Variants in IGFBP7 observed in about 807,000 individuals in gnomAD.
The protein encoded by IGFBP7 is insulin-like growth factor-binding protein 7.
IGFBP7 carries 31 observed loss-of-function variants against 29.4 expected under a neutral mutation model. The observed-to-expected ratio is 1.05, with a 90% CI of 0.79 to 1.42. The LOEUF (loss-of-function observed/expected upper bound fraction) is 1.42, where lower values mean the gene tolerates loss of function less well. IGFBP7 is among the 40% of genes most tolerant of loss of function. The pLI, the probability that IGFBP7 is intolerant of heterozygous loss-of-function variation, is 0.00. For synonymous variants in IGFBP7, 172 were observed against 174.9 expected (o/e 0.98, Z 0.13); for missense variants, 393 against 395.5 (o/e 0.99, Z 0.05).
At chr4:57,100,073 T>TTC (rs574657281) in intron 1 of IGFBP7, among the ~76,000 whole-genome samples, 1,508 of 136,590 alleles carry the variant, frequency 0.011, 12 homozygotes, top group Non-Finnish European at 0.018. Flanking sequence ...TTTTCTTTCT[T>TTC]TTTTTTTTTT....
chr4:57,045,062 G>A (rs780970041), intron 1 of IGFBP7, among the ~76,000 whole-genome samples: 3 of 152,158 alleles, frequency 2.0e-5, no homozygotes, highest in Non-Finnish European at 2.9e-5. Flanking sequence ...GACAGCCATC[G>A]TCAGGGGATT....
At chr4:57,085,074 C>T (rs7686927) in intron 1 of IGFBP7, among the ~76,000 whole-genome samples, 16,939 of 152,032 alleles carry the variant, frequency 0.11, 1,429 homozygotes, top group East Asian at 0.31. Flanking sequence ...CAGATGTGAG[C>T]CACTGCACCT....
chr4:57,072,409 T>C (rs1336114484), intron 1 of IGFBP7, among the ~76,000 whole-genome samples: 2 of 152,162 alleles, frequency 1.3e-5, no homozygotes, highest in Non-Finnish European at 2.9e-5. Flanking sequence ...GGGGTGCCCC[T>C]GTGGTCCCAG....
At chr4:57,080,912 C>G (rs1248511967) in intron 1 of IGFBP7, among the ~76,000 whole-genome samples, 1 of 152,194 alleles carries the variant, frequency 6.6e-6, no homozygotes, top group African/African-American at 2.4e-5. Flanking sequence ...TTTCCACTGC[C>G]AAGGGGATAT....
rs150402319 is a variant in IGFBP7, at chr4:57,092,249, T to C, written c.475+17628A>G. Among the ~76,000 whole-genome samples, 150 of 152,322 alleles carry C rather than the reference T, an allele frequency of 9.8e-4. 2 individuals carry two copies. The highest frequency in any genetic ancestry group is 3.4e-3 in the African/African-American group (143 of 41,574). Reference sequence around the variant, plus strand: ...TTCAATTATGTACAAAGGAATATTCTTTCCTTCTCCCTGTTATTTTGAAAT... The same window carrying C: ...TTCAATTATGTACAAAGGAATATTCCTTCCTTCTCCCTGTTATTTTGAAAT... On this transcript the variant is annotated intron_variant, in intron 1 of 4. Coordinates refer to ENST00000295666, the MANE Select transcript of IGFBP7 (RefSeq NM_001553.3).
At chr4:57,105,197 C>T (rs983105195) in intron 1 of IGFBP7, among the ~76,000 whole-genome samples, 19 of 152,214 alleles carry the variant, frequency 1.2e-4, no homozygotes, top group African/African-American at 4.6e-4. Flanking sequence ...CTCTACTCAC[C>T]TCACTTAATA....
At chr4:57,075,026 T>G (rs983728554) in intron 1 of IGFBP7, among the ~76,000 whole-genome samples, 3 of 152,218 alleles carry the variant, frequency 2.0e-5, no homozygotes, top group African/African-American at 7.2e-5. Flanking sequence ...AAAGGGCATC[T>G]TCCTTTAAAA....
intron 2 of IGFBP7, among the ~76,000 whole-genome samples, chr4:57,033,954 G>A (rs1169409578): frequency 6.6e-6 from 1 of 151,472 alleles, no homozygotes. Context: ...TGGAGGCTAA[G>A]GTGGGAGAAT....
At chr4:57,034,141 T>C (rs1263087612) in intron 2 of IGFBP7, among the ~76,000 whole-genome samples, 1 of 152,166 alleles carries the variant, frequency 6.6e-6, no homozygotes, top group Non-Finnish European at 1.5e-5. Context: ...GTATGTCATG[T>C]CAAGATTCAG....
At chr4:57,041,464 G>C (rs1724225252) in intron 1 of IGFBP7, among the ~76,000 whole-genome samples, 1 of 152,160 alleles carries the variant, frequency 6.6e-6, no homozygotes, top group Non-Finnish European at 1.5e-5. Context: ...TGATGAGGCA[G>C]GGAAGAAAAG....
At chr4:57,092,004 T>C (rs186635850) in intron 1 of IGFBP7, among the ~76,000 whole-genome samples, 3 of 152,316 alleles carry the variant, frequency 2.0e-5, no homozygotes, top group Admixed American at 2.0e-4. Context: ...GAAGTTGCAT[T>C]TAAAGAGCTG....
chr4:57,091,424 G>A (rs1331228169), intron 1 of IGFBP7, among the ~76,000 whole-genome samples: 1 of 152,162 alleles, frequency 6.6e-6, no homozygotes, highest in Non-Finnish European at 1.5e-5. Flanking sequence ...AACTCACCTG[G>A]ATTCCTCATT....
At chr4:57,097,033 T>C (rs1252712529) in intron 1 of IGFBP7, among the ~76,000 whole-genome samples, 1 of 152,204 alleles carries the variant, frequency 6.6e-6, no homozygotes, top group Non-Finnish European at 1.5e-5. Flanking sequence ...TCTGTGATTT[T>C]GGTTCATATT....
chr4:57,082,907 G>C (rs928852843), intron 1 of IGFBP7, among the ~76,000 whole-genome samples: 2 of 152,028 alleles, frequency 1.3e-5, no homozygotes, highest in East Asian at 3.9e-4. Flanking sequence ...GGGTCTACAG[G>C]TGTACACCAC....
At chr4:57,071,449 T>C (rs1042033703) in intron 1 of IGFBP7, among the ~76,000 whole-genome samples, 3 of 152,220 alleles carry the variant, frequency 2.0e-5, no homozygotes, top group Non-Finnish European at 4.4e-5. Flanking sequence ...TTGCACTCAG[T>C]CTGGTATCAT....
In IGFBP7 at chr4:57,031,040, A is replaced by G. The variant is rs1223457198; in HGVS notation, c.*277T>C. On this transcript the variant is annotated 3_prime_UTR_variant, in exon 5 of 5. Coordinates refer to ENST00000295666, the MANE Select transcript of IGFBP7 (RefSeq NM_001553.3). Reference sequence around the variant, plus strand: ...TTAAATATCTTGGTGTCTTGTTTCTATTGTGTGGCTTTTTAAAAATGACAA... The same window carrying G: ...TTAAATATCTTGGTGTCTTGTTTCTGTTGTGTGGCTTTTTAAAAATGACAA... 5.3e-6 allele frequency: 6 copies of G among 1,121,830 alleles called. No homozygotes were observed. Among genetic ancestry groups the G allele is most frequent in the Non-Finnish European group, 5.5e-6 (4 of 733,106 alleles). 69.5% of individuals were successfully genotyped at this position (1,121,830 alleles called of 1,614,324 possible). A position where few individuals can be genotyped will look rare whatever the true frequency, so the allele number is the denominator to read the frequency against.
intron 1 of IGFBP7, among the ~76,000 whole-genome samples, chr4:57,073,543 T>A (rs1725116363): frequency 2.0e-5 from 3 of 151,624 alleles, no homozygotes; most frequent in African/African-American, 7.3e-5. Flanking sequence ...TGAAATAAGC[T>A]GAGATTCCTG....
intron 1 of IGFBP7, among the ~76,000 whole-genome samples, chr4:57,045,000 G>A (rs1007510543): frequency 3.9e-5 from 6 of 152,138 alleles, no homozygotes; most frequent in Admixed American, 1.3e-4. Flanking sequence ...GTTAGCAACA[G>A]TGCCCAGCCA....
At chr4:57,045,532 A>G (rs1035871141) in intron 1 of IGFBP7, among the ~76,000 whole-genome samples, 7 of 152,000 alleles carry the variant, frequency 4.6e-5, no homozygotes, top group Non-Finnish European at 1.0e-4. Context: ...GACCAAACAG[A>G]CCTCTTAGAG....
Sources: allele counts gnomAD v4.1 joint callset (sites outside exome capture counted in the v4.1 genomes callset), GRCh38; gene constraint gnomAD v4.1.1; transcripts MANE v1.5; gene names NCBI Gene and HGNC (gene_info 2026-07-23, HGNC 2026-07-21).